The following ABCG8 variants were observed in gnomAD, a reference collection of about 807,000 sequenced individuals.
ABCG8 encodes the protein ATP binding cassette subfamily G member 8, also known as ATP-binding cassette sub-family G member 8.
A neutral mutation model predicts 71.3 loss-of-function variants in ABCG8; 81 were observed. The ratio of observed to expected loss-of-function variants is 1.14; its 90% confidence interval spans 0.95 to 1.37. ABCG8 has a LOEUF of 1.37. Ranked by LOEUF, ABCG8 falls within the 40% of genes most tolerant of loss-of-function variation. ABCG8 has a pLI of 0.00. For synonymous variants in ABCG8, 451 were observed against 354.7 expected (o/e 1.27, Z -3.05); for missense variants, 1,119 against 866.2 (o/e 1.29, Z -3.66).
chr2:43,881,991 C>T lies in ABCG8; in HGVS notation c.*4078C>T, dbSNP rs1287741262. ...TCTAAGAAAGTATTATTTACAAAAA[C>T]AGGCAGGTTGCTAGATTTGACCTGA... is the stretch of plus-strand genomic sequence containing the variant. On this transcript the variant is annotated 3_prime_UTR_variant, in exon 13 of 13. Transcript: ENST00000272286. 1 of 152,180 alleles carries T rather than the reference C, an allele frequency of 6.6e-6. No individual in the cohort carries two copies. Among genetic ancestry groups the T allele is most frequent in the Non-Finnish European group, 1.5e-5 (1 of 68,032 alleles). The allele number at this position is 152,180 out of a possible 1,614,324, so 9.4% of individuals were successfully genotyped here.
chr2:43,844,596 C>A lies in ABCG8; in HGVS notation c.153C>A (p.Asp51Glu). ...SGQPNTLEVR[D>E]LNYQVDLASQ... Reference sequence around the variant, plus strand: ...AGCCCAACACCCTGGAGGTCAGAGACCTCAACTACCAGGTAGAGGCACGCC... The same window carrying A: ...AGCCCAACACCCTGGAGGTCAGAGAACTCAACTACCAGGTAGAGGCACGCC... The change falls in exon 2 of 13, where the codon GAC (aspartate) becomes GAA (glutamate). Residue 51 changes from aspartate (D) to glutamate (E), a missense_variant. Transcript: ENST00000272286. 6.2e-7 allele frequency: 1 copy of A among 1,613,700 alleles called. No individual in the cohort carries two copies. Among genetic ancestry groups the A allele is most frequent in the Non-Finnish European group, 8.5e-7 (1 of 1,179,636 alleles).
At chr2:43,866,669 T>G (rs912472889) in intron 6 of ABCG8, among the ~76,000 whole-genome samples, 2 of 152,044 alleles carry the variant, frequency 1.3e-5, no homozygotes, top group African/African-American at 2.4e-5. Context: ...CCAGTTAGAA[T>G]GGCAATCATT....
At chr2:43,863,059 C>T (rs1320857131) in intron 6 of ABCG8, among the ~76,000 whole-genome samples, 1 of 148,432 alleles carries the variant, frequency 6.7e-6, no homozygotes, top group Middle Eastern at 3.3e-3. Context: ...AGAACTCTTA[C>T]TATCTATCTT....
intron 6 of ABCG8, among the ~76,000 whole-genome samples, chr2:43,861,091 T>C (rs1394078688): frequency 6.6e-6 from 1 of 151,394 alleles, no homozygotes; most frequent in Non-Finnish European, 1.5e-5. Flanking sequence ...GAAATAACTC[T>C]CACCATCTGG....
At chr2:43,839,663 C>T (rs1049903307) in intron 1 of ABCG8, among the ~76,000 whole-genome samples, 1 of 151,900 alleles carries the variant, frequency 6.6e-6, no homozygotes, top group African/African-American at 2.4e-5. Flanking sequence ...CTCAGGTTAC[C>T]CACCCTCCTC....
intron 8 of ABCG8, 85 bp downstream of exon 8, chr2:43,872,391 T>C: frequency 7.0e-7 from 1 of 1,438,392 alleles, no homozygotes; most frequent in Non-Finnish European, 9.6e-7. Flanking sequence ...TTAAAGTGAA[T>C]TTAAAGGAGA....
At chr2:43,857,409 T>A (rs1313086607) in intron 6 of ABCG8, among the ~76,000 whole-genome samples, 1 of 151,528 alleles carries the variant, frequency 6.6e-6, no homozygotes, top group Non-Finnish European at 1.5e-5. Context: ...CTGGATAGAA[T>A]TCTCATTCTC....
chr2:43,847,019 C>CAG (rs1449235436), intron 3 of ABCG8: 1 of 154,002 alleles, frequency 6.5e-6, no homozygotes, highest in Admixed American at 6.5e-5. Flanking sequence ...CACACACACA[C>CAG]ACACACTCCC....
intron 6 of ABCG8, among the ~76,000 whole-genome samples, chr2:43,856,522 C>T (rs1178106317): frequency 4.6e-5 from 7 of 151,908 alleles, no homozygotes; most frequent in Non-Finnish European, 7.4e-5. Context: ...AGAGAACTCT[C>T]ACTTTCTGGA....
In ABCG8 at chr2:43,877,673, G is replaced by T. The variant is rs775757593; in HGVS notation, c.1869G>T (p.Ala623=). 1.3e-5 allele frequency: 21 copies of T among 1,614,092 alleles called. No individual in the cohort carries two copies. In the Admixed American group the frequency reaches 2.5e-4, roughly 19 times the overall value. The change falls in exon 12 of 13, where the codon GCG becomes GCT. Residue 623 remains alanine (A), a synonymous_variant. Coordinates refer to ENST00000272286, the MANE Select transcript of ABCG8 (RefSeq NM_022437.3). ...TGCCTCTCGGGAACCTCACCATCGCGGTCTCAGGAGATAAAGTAAGCGGGG... is the reference window on the plus strand; with the variant it reads ...TGCCTCTCGGGAACCTCACCATCGCTGTCTCAGGAGATAAAGTAAGCGGGG... ...YKMPLGNLTI[A]VSGDKILSVM...
At chr2:43,871,750 G>A (rs1407814343) in intron 6 of ABCG8, among the ~76,000 whole-genome samples, 1 of 152,226 alleles carries the variant, frequency 6.6e-6, no homozygotes, top group Non-Finnish European at 1.5e-5. Context: ...CTCTTACCCT[G>A]AGGCTTCTGC....
At chr2:43,874,278 T>TAA (rs4148226) in intron 9 of ABCG8, 129 bp from the exon 10 acceptor site, 40 of 735,264 alleles carry the variant, frequency 5.4e-5, no homozygotes, top group Non-Finnish European at 7.0e-5. Flanking sequence ...TGTGCCTATT[T>TAA]AAAAAAAAAA....
intron 8 of ABCG8, among the ~76,000 whole-genome samples, chr2:43,872,745 C>T (rs140647682): frequency 1.3e-5 from 2 of 152,132 alleles, no homozygotes; most frequent in African/African-American, 4.8e-5. Context: ...CCAGCACTAA[C>T]CTTCAGTGCG....
At chr2:43,850,667 C>T (rs1469015277) in intron 3 of ABCG8, among the ~76,000 whole-genome samples, 1 of 152,170 alleles carries the variant, frequency 6.6e-6, no homozygotes, top group African/African-American at 2.4e-5. Context: ...CACTGATGCA[C>T]TTTGGGAGGC....
chr2:43,874,143 A>G (rs1309550292), intron 9 of ABCG8, among the ~76,000 whole-genome samples, 157 bp downstream of exon 9: 1 of 152,216 alleles, frequency 6.6e-6, no homozygotes, highest in Non-Finnish European at 1.5e-5. Context: ...CATACAAATG[A>G]AAGTAAATTA....
chr2:43,869,781 G>A (rs1669691151), intron 6 of ABCG8, among the ~76,000 whole-genome samples: 1 of 151,886 alleles, frequency 6.6e-6, no homozygotes. Flanking sequence ...CTTACCATCT[G>A]GAGAGAACTC....
At chr2:43,856,217 T>C (rs1169272458) in intron 6 of ABCG8, among the ~76,000 whole-genome samples, 1 of 152,034 alleles carries the variant, frequency 6.6e-6, no homozygotes, top group Admixed American at 6.5e-5. Context: ...TGGGTAGAAC[T>C]CTGACTATCT....
intron 6 of ABCG8, among the ~76,000 whole-genome samples, chr2:43,868,753 T>C (rs1250531370): frequency 6.6e-6 from 1 of 151,858 alleles, no homozygotes; most frequent in Admixed American, 6.6e-5. Context: ...GAATTCTCAC[T>C]CTGTGGATAG....
intron 6 of ABCG8, among the ~76,000 whole-genome samples, chr2:43,868,477 T>C (rs1294411613): frequency 6.6e-6 from 1 of 152,148 alleles, no homozygotes; most frequent in Non-Finnish European, 1.5e-5. Context: ...ATTCTGTCTC[T>C]GGATAGAAGT....
Sources: gnomAD v4.1 joint callset for allele counts (sites outside exome capture counted in the v4.1 genomes callset) on GRCh38, gnomAD v4.1.1 for gene constraint, MANE v1.5 for transcripts, NCBI Gene and HGNC (gene_info 2026-07-23, HGNC 2026-07-21) for gene names.